The following INTS12 variants were observed in gnomAD, a reference collection of about 807,000 sequenced individuals.
The protein encoded by INTS12 is PHD finger protein 22.
A neutral mutation model predicts 41.6 loss-of-function variants in INTS12; 13 were observed. The observed-to-expected ratio is 0.31, with a 90% confidence interval of 0.20 to 0.50. INTS12 has a LOEUF of 0.50. Ranked by LOEUF, INTS12 falls within the 20% of genes least tolerant of loss-of-function variation. The pLI is 0.98. For synonymous variants in INTS12, 199 were observed against 191.4 expected (o/e 1.04, Z -0.33); for missense variants, 432 against 541.6 (o/e 0.80, Z 2.01).
At chr4:105,702,130 CT>C (rs950826694) in intron 2 of INTS12, among the ~76,000 whole-genome samples, 497 of 109,498 alleles carry the variant, frequency 4.5e-3, no homozygotes, top group Non-Finnish European at 6.2e-3. Context: ...ATTTCTATTT[CT>C]TTTTTTTTTT....
intron 6 of INTS12, among the ~76,000 whole-genome samples, chr4:105,691,573 TGCG>T (rs1484888950): frequency 2.0e-5 from 3 of 152,188 alleles, no homozygotes; most frequent in Non-Finnish European, 4.4e-5. Context: ...ATCTTATCCA[TGCG>T]GTGGTTTAAG....
rs182565987 is a variant in INTS12 at position 105,693,722 on chromosome 4, T to C, written c.310-236A>G. On this transcript the variant is annotated intron_variant, in intron 4 of 7. Coordinates refer to ENST00000340139, the MANE Select transcript of INTS12 (RefSeq NM_020395.4). The stretch of plus-strand genomic sequence containing the variant: ...AAATAAATCAGAACAGTTTAACAAA[T>C]ATTTGTATTTCTCTTTGTACTCTTC... 1.6e-4 allele frequency among the ~76,000 whole-genome samples: 24 copies of C among 152,328 alleles called. 1 individual carries two copies. Among genetic ancestry groups the C allele is most frequent in the African/African-American group, 5.1e-4 (21 of 41,582 alleles).
At chr4:105,707,016 A>T (rs1471957943) in intron 1 of INTS12, among the ~76,000 whole-genome samples, 1 of 152,160 alleles carries the variant, frequency 6.6e-6, no homozygotes. Flanking sequence ...CGAAATAAAG[A>T]CCAAATTTCT....
intron 2 of INTS12, among the ~76,000 whole-genome samples, chr4:105,703,447 T>C (rs1441934738): frequency 6.6e-6 from 1 of 152,200 alleles, no homozygotes; most frequent in Non-Finnish European, 1.5e-5. Context: ...TCTGTATCTC[T>C]TATTATCCTT....
chr4:105,693,765 T>C (rs1242689679), intron 4 of INTS12, among the ~76,000 whole-genome samples: 2 of 152,228 alleles, frequency 1.3e-5, no homozygotes, highest in Non-Finnish European at 2.9e-5. Context: ...TAAAGAATTA[T>C]GGAAGATCGA....
chr4:105,686,831 T>A lies in INTS12; in HGVS notation c.665A>T (p.Lys222Ile). Residue 222 changes from lysine (K) to isoleucine (I), a missense_variant, in exon 7 of 8, where the codon AAA (lysine) becomes ATA (isoleucine). Lys to Ile is a moderately radical substitution (Grantham distance 102). Transcript: ENST00000340139. ...TGGTTTCTGCGGTGGTTTCTGAGTT[T>A]TTTGAGCCTGCAAAAATCAGTGGAT... ...CTRQMKRMAQ[K>I]TQKPPQKPAP... The A allele has an allele frequency of 6.2e-7, 1 of 1,613,708 alleles. No individual in the cohort carries two copies. The highest frequency in any genetic ancestry group is 8.5e-7 in the Non-Finnish European group (1 of 1,179,870).
rs148385844 is a variant in INTS12, at chr4:105,686,764, T to C, written c.732A>G (p.Pro244=). 14 of 1,613,778 alleles carry C rather than the reference T, an allele frequency of 8.7e-6. No individual in the cohort carries two copies. Among genetic ancestry groups the C allele is most frequent in the Middle Eastern group, 1.6e-4 (1 of 6,078 alleles). Residue 244 remains proline, a synonymous_variant, in exon 7 of 8, where the codon CCA becomes CCG. Coordinates refer to ENST00000340139, the MANE Select transcript of INTS12 (RefSeq NM_020395.4). ...VVSVTPAVKD[P]LVKKPETKLK... ...GTTTAGTTTCTGGTTTCTTAACCAA[T>C]GGATCTTTGACAGCTGGAGTTACAG... is the stretch of plus-strand genomic sequence containing the variant.
chr4:105,690,520 A>G (rs1296200765), intron 6 of INTS12, among the ~76,000 whole-genome samples: 4 of 152,218 alleles, frequency 2.6e-5, no homozygotes, highest in African/African-American at 9.6e-5. Flanking sequence ...AAGAGGCATC[A>G]AAGATGTTTT....
intron 7 of INTS12, among the ~76,000 whole-genome samples, chr4:105,686,024 T>C (rs1187751252): frequency 6.6e-6 from 1 of 152,188 alleles, no homozygotes; most frequent in Non-Finnish European, 1.5e-5. Context: ...AGCAAAATTG[T>C]TGCTACTGAG....
chr4:105,706,623 A>G (rs1350248274), intron 1 of INTS12, among the ~76,000 whole-genome samples: 1 of 152,174 alleles, frequency 6.6e-6, no homozygotes, highest in African/African-American at 2.4e-5. Context: ...ATTCAGTTAC[A>G]ACTAAAATTG....
intron 3 of INTS12, among the ~76,000 whole-genome samples, chr4:105,697,535 G>GT (rs913707327): frequency 5.3e-5 from 8 of 152,060 alleles, no homozygotes; most frequent in Non-Finnish European, 1.0e-4. Flanking sequence ...CCTATAAATA[G>GT]TTTTTTATAA....
In INTS12 at chr4:105,703,807, C is replaced by T. The variant is rs1003502553; in HGVS notation, c.-169G>A. ...GCTTCTGTGTTTCAGTAGATGGCCT[C>T]ACCTACTTCACAAAGAGAGGCTGTC... On this transcript the variant is annotated splice_region_variant and 5_prime_UTR_variant, in exon 2 of 8. Transcript: ENST00000340139. The T allele has an allele frequency of 1.3e-5, 2 of 152,172 alleles. No individual in the cohort carries two copies. Among genetic ancestry groups the T allele is most frequent in the African/African-American group, 4.8e-5 (2 of 41,430 alleles). The allele number at this position is 152,172 out of a possible 1,614,324, so 9.4% of individuals were successfully genotyped here. A position where few individuals can be genotyped will look rare whatever the true frequency, so the allele number is the denominator to read the frequency against.
chr4:105,689,211 G>C (rs116957480), intron 6 of INTS12, among the ~76,000 whole-genome samples: 6 of 152,166 alleles, frequency 3.9e-5, no homozygotes, highest in Non-Finnish European at 8.8e-5. Context: ...TGCCATACAC[G>C]ATCACAACAT....
chr4:105,697,673 T>C (rs1731916188), intron 3 of INTS12, among the ~76,000 whole-genome samples: 1 of 152,214 alleles, frequency 6.6e-6, no homozygotes, highest in Admixed American at 6.5e-5. Flanking sequence ...TTCTTACTAT[T>C]TGGCTCTTTA....
chr4:105,697,076 C>A (rs938201001), intron 3 of INTS12, among the ~76,000 whole-genome samples: 11 of 152,168 alleles, frequency 7.2e-5, no homozygotes, highest in Admixed American at 7.2e-4. Flanking sequence ...TAAAAGAGTT[C>A]TTCATAGATT....
intron 2 of INTS12, among the ~76,000 whole-genome samples, chr4:105,701,606 C>T (rs10016392): frequency 3.7e-4 from 56 of 152,232 alleles, no homozygotes; most frequent in African/African-American, 1.3e-3. Flanking sequence ...TGCCATTCCC[C>T]CAGCATATAC....
chr4:105,687,000 A>T, intron 6 of INTS12, 162 bp from the exon 7 acceptor site: 1 of 629,846 alleles, frequency 1.6e-6, no homozygotes, highest in Non-Finnish European at 2.8e-6. Context: ...AATTATTATC[A>T]TATTAATGGT....
chr4:105,702,248 G>A (rs1247015014), intron 2 of INTS12, among the ~76,000 whole-genome samples: 1 of 142,128 alleles, frequency 7.0e-6, no homozygotes, highest in African/African-American at 2.7e-5. Flanking sequence ...CCATTCTCCT[G>A]CCTCAGCCTC....
intron 6 of INTS12, 105 bp from the exon 7 acceptor site, chr4:105,686,943 A>G (rs762734895): frequency 1.7e-5 from 16 of 943,856 alleles, no homozygotes; most frequent in Non-Finnish European, 2.6e-5. Flanking sequence ...ACAGTTGAAC[A>G]TTTTAAAAAA....
Sources: allele counts gnomAD v4.1 joint callset (sites outside exome capture counted in the v4.1 genomes callset), GRCh38; gene constraint gnomAD v4.1.1; transcripts MANE v1.5; gene names NCBI Gene and HGNC (gene_info 2026-07-23, HGNC 2026-07-21).